Variants in USF3 observed in about 807,000 individuals in gnomAD.
USF3 encodes the protein upstream transcription factor family member 3, also known as basic helix-loop-helix domain-containing protein USF3.
A neutral mutation model predicts 157.5 loss-of-function variants in USF3; 29 were observed. That is an observed-to-expected ratio of 0.18 (90% CI 0.14 to 0.25). The LOEUF (loss-of-function observed/expected upper bound fraction) is 0.25, where lower values mean the gene tolerates loss of function less well. USF3 is among the 10% of genes least tolerant of loss of function. The probability of loss-of-function intolerance (pLI) is 1.00; values close to 1 mark genes in which losing one functional copy is unlikely to be tolerated. For synonymous variants in USF3, 893 were observed against 941.4 expected (o/e 0.95, Z 0.94); for missense variants, 2,381 against 2,667.6 (o/e 0.89, Z 2.37).
chr3:113,679,395 A>G (rs1463470712), intron 1 of USF3, among the ~76,000 whole-genome samples: 1 of 150,684 alleles, frequency 6.6e-6, no homozygotes, highest in East Asian at 1.9e-4. Context: ...ACAGAACATT[A>G]TCAACAGAGA....
At position 113,654,807 on chromosome 3, in the gene USF3, A is replaced by G; in HGVS notation, c.*137T>C. On this transcript the variant is annotated 3_prime_UTR_variant, in exon 7 of 7. Transcript: ENST00000316407. Reference sequence around the variant, plus strand: ...TATCTGCATCTGACATGGCTTCCCTACATTCAGAAGATAACTGAAAACTGA... The same window carrying G: ...TATCTGCATCTGACATGGCTTCCCTGCATTCAGAAGATAACTGAAAACTGA... 2.1e-6 allele frequency: 2 copies of G among 945,252 alleles called. No homozygotes were observed. Among genetic ancestry groups the G allele is most frequent in the Admixed American group, 6.6e-5 (2 of 30,382 alleles). 58.6% of individuals were successfully genotyped at this position (945,252 alleles called of 1,614,324 possible).
At chr3:113,663,557 A>G (rs1344274783) in intron 6 of USF3, among the ~76,000 whole-genome samples, 1 of 152,204 alleles carries the variant, frequency 6.6e-6, no homozygotes, top group African/African-American at 2.4e-5. Flanking sequence ...CCATTACAAT[A>G]AACACAGCCC....
chr3:113,696,114 C>A lies in USF3; in HGVS notation c.-135+256G>T, dbSNP rs72952656. ...CTAGGAGCTGGGGCGCAGTGCGAGCCCCCCACGGGCCTGGCAGCCGGGGAC... is the reference window on the plus strand; with the variant it reads ...CTAGGAGCTGGGGCGCAGTGCGAGCACCCCACGGGCCTGGCAGCCGGGGAC... On this transcript the variant is annotated intron_variant, in intron 1 of 6. Coordinates refer to ENST00000316407, the MANE Select transcript of USF3 (RefSeq NM_001009899.4). Among the ~76,000 whole-genome samples the A allele has an allele frequency of 4.6e-3, 707 of 152,356 alleles. 6 individuals carry two copies. The highest frequency in any genetic ancestry group is 0.016 in the African/African-American group (685 of 41,594).
At chr3:113,666,031 A>AAAATT (rs1947560025) in intron 5 of USF3, among the ~76,000 whole-genome samples, 2 of 151,712 alleles carry the variant, frequency 1.3e-5, no homozygotes, top group East Asian at 3.9e-4. Flanking sequence ...CTAAAAATAC[A>AAAATT]AAATTAGCAG....
Position 113,658,528 on chromosome 3 carries a change from A to G in USF3, c.3154T>C (p.Leu1052=), listed in dbSNP as rs370609448. 3.2e-5 allele frequency: 51 copies of G among 1,614,040 alleles called. No homozygotes were observed. The highest frequency in any genetic ancestry group is 4.3e-5 in the Non-Finnish European group (51 of 1,180,014). Residue 1052 remains leucine, a synonymous_variant, in exon 7 of 7, where the codon TTA becomes CTA. Coordinates refer to ENST00000316407, the MANE Select transcript of USF3 (RefSeq NM_001009899.4). The part of the protein sequence containing the change: ...SVNLHPKQEL[L]LMNNDDRDPP... ...TCTCTATCATCATTGTTCATCAGTAATAGTTCCTGTTTGGGATGTAAATTC... is the reference window on the plus strand; with the variant it reads ...TCTCTATCATCATTGTTCATCAGTAGTAGTTCCTGTTTGGGATGTAAATTC...
chr3:113,678,496 G>A (rs1049117272), intron 1 of USF3, among the ~76,000 whole-genome samples: 10 of 151,660 alleles, frequency 6.6e-5, no homozygotes, highest in Admixed American at 2.6e-4. Context: ...AAATCATCCC[G>A]TTTACCAAAT....
chr3:113,665,581 C>T (rs571098943), intron 5 of USF3, among the ~76,000 whole-genome samples: 3 of 152,300 alleles, frequency 2.0e-5, no homozygotes, highest in Non-Finnish European at 2.9e-5. Flanking sequence ...AATCCCAGCA[C>T]TTTGGGAGGC....
In USF3 at chr3:113,656,578, T is replaced by G. The variant is rs1357074812; in HGVS notation, c.5104A>C (p.Ser1702Arg). The G allele has an allele frequency of 6.2e-7, 1 of 1,614,216 alleles. No individual in the cohort carries two copies. The highest frequency in any genetic ancestry group is 1.1e-5 in the South Asian group (1 of 91,086). ...SRVSDQLEMR[S>R]YLDVPRNKSL... Reference sequence around the variant, plus strand: ...TTATTTCTGGGAACATCAAGATAGCTTCTCATTTCAAGCTGATCTGAAACT... The same window carrying G: ...TTATTTCTGGGAACATCAAGATAGCGTCTCATTTCAAGCTGATCTGAAACT... The change falls in exon 7 of 7, where the codon AGC (serine) becomes CGC (arginine). Residue 1702 changes from serine to arginine, a missense_variant. Physicochemically the swap from Ser to Arg is moderately radical, Grantham distance 110 (BLOSUM62 -1). Coordinates refer to ENST00000316407, the MANE Select transcript of USF3 (RefSeq NM_001009899.4).
chr3:113,657,282 TGC>T lies in USF3; in HGVS notation c.4398_4399del (p.Gln1467AlafsTer41). 1.9e-6 allele frequency: 3 copies of T among 1,610,298 alleles called. No homozygotes were observed. Among genetic ancestry groups the T allele is most frequent in the Non-Finnish European group, 2.5e-6 (3 of 1,178,622 alleles). Reference sequence around the variant, plus strand: ...TTGCTGTTGCTGCTGCTGCTGCTGCTGCTGCTGCTGCTGCTGCTTTATGTAGA... The same window carrying T: ...TTGCTGTTGCTGCTGCTGCTGCTGCTTGCTGCTGCTGCTGCTTTATGTAGA... On this transcript the variant is annotated frameshift_variant, in exon 7 of 7. Transcript: ENST00000316407. LOFTEE classifies it high-confidence loss of function.
At chr3:113,682,594 A>C (rs1027638735) in intron 1 of USF3, among the ~76,000 whole-genome samples, 6 of 152,154 alleles carry the variant, frequency 3.9e-5, no homozygotes, top group Non-Finnish European at 4.4e-5. Flanking sequence ...ATTGGGGTCT[A>C]TCTCTCTTTG....
chr3:113,654,859 T>G lies in USF3; in HGVS notation c.*85A>C. 1 of 1,404,856 alleles carries G rather than the reference T, an allele frequency of 7.1e-7. No homozygotes were observed. 87.0% of individuals were successfully genotyped at this position (1,404,856 alleles called of 1,614,324 possible). On this transcript the variant is annotated 3_prime_UTR_variant, in exon 7 of 7. Coordinates refer to ENST00000316407, the MANE Select transcript of USF3 (RefSeq NM_001009899.4). The stretch of plus-strand genomic sequence containing the variant: ...TATACAGACACACACACACAATCCT[T>G]CTCTTCATGTACATGTCTGTGCACA...
chr3:113,656,084 A>G lies in USF3; in HGVS notation c.5598T>C (p.His1866=). 1 of 1,614,164 alleles carries G rather than the reference A, an allele frequency of 6.2e-7. No homozygotes were observed. ...TCTGACTCTCACTCTCTCTTCTAAT[A>G]TGGACATTTTCATGAGTTGGGGGAC... ...YNCPPTHENV[H]IRRESESQNR... The change falls in exon 7 of 7, where the codon CAT becomes CAC. Residue 1866 remains histidine (H), a synonymous_variant. Transcript: ENST00000316407.
chr3:113,654,710 A>T lies in USF3; in HGVS notation c.*234T>A. 2.0e-6 allele frequency: 1 copy of T among 498,104 alleles called. No individual in the cohort carries two copies. 30.9% of individuals were successfully genotyped at this position (498,104 alleles called of 1,614,324 possible). A position where few individuals can be genotyped will look rare whatever the true frequency, so the allele number is the denominator to read the frequency against. ...TAGGAAATATCAACTTGGAAATGTA[A>T]ATCTACTTGGAAAATAAAAAAGTAC... On this transcript the variant is annotated 3_prime_UTR_variant, in exon 7 of 7. Transcript: ENST00000316407.
At chr3:113,695,223 T>C (rs1707773231) in intron 1 of USF3, among the ~76,000 whole-genome samples, 3 of 152,212 alleles carry the variant, frequency 2.0e-5, no homozygotes. Context: ...GCAATTACAA[T>C]GTATTTTACT....
In USF3 at chr3:113,656,109, C is replaced by A; in HGVS notation, c.5573G>T (p.Cys1858Phe). The A allele has an allele frequency of 6.2e-7, 1 of 1,614,100 alleles. No individual in the cohort carries two copies. The highest frequency in any genetic ancestry group is 8.5e-7 in the Non-Finnish European group (1 of 1,180,004). The change falls in exon 7 of 7, where the codon TGT becomes TTT. Residue 1858 changes from cysteine to phenylalanine, a missense_variant. Transcript: ENST00000316407. Reference sequence around the variant, plus strand: ...ATGGACATTTTCATGAGTTGGGGGACAATTATATTCAATTGCAGAGGATGG... The same window carrying A: ...ATGGACATTTTCATGAGTTGGGGGAAAATTATATTCAATTGCAGAGGATGG... ...CGPSSAIEYN[C>F]PPTHENVHIR... is the part of the protein sequence containing the mutation.
Position 113,653,138 on chromosome 3 carries a change from A to C in USF3, c.*1806T>G, listed in dbSNP as rs1577022923. 5.3e-6 allele frequency: 1 copy of C among 188,186 alleles called. No homozygotes were observed. Among genetic ancestry groups the C allele is most frequent in the East Asian group, 1.3e-4 (1 of 7,650 alleles). The allele number at this position is 188,186 out of a possible 1,614,324, so 11.7% of individuals were successfully genotyped here. A position where few individuals can be genotyped will look rare whatever the true frequency, so the allele number is the denominator to read the frequency against. ...AAGGCAGATAAAACAATTTCTATGC[A>C]TCTCTCCCACCCCATCCCATTTTTG... On this transcript the variant is annotated 3_prime_UTR_variant, in exon 7 of 7. Coordinates refer to ENST00000316407, the MANE Select transcript of USF3 (RefSeq NM_001009899.4).
chr3:113,693,819 T>G (rs1006236078), intron 1 of USF3, among the ~76,000 whole-genome samples: 1 of 152,168 alleles, frequency 6.6e-6, no homozygotes, highest in Non-Finnish European at 1.5e-5. Context: ...GAACTATTAT[T>G]GGCGGTAGGG....
Position 113,655,709 on chromosome 3 carries a change from A to T in USF3, c.5973T>A (p.Arg1991=). 6.2e-7 allele frequency: 1 copy of T among 1,613,876 alleles called. No homozygotes were observed. ...PLQDSSGSKI[R]QPERNRSGNQ... is the part of the protein sequence containing the mutation. The stretch of plus-strand genomic sequence containing the variant: ...TTCCAGAACGATTCCTTTCAGGCTG[A>T]CGAATTTTGGAACCACTGCTGTCTT... The change falls in exon 7 of 7, where the codon CGT becomes CGA. Residue 1991 remains arginine (R), a synonymous_variant. Coordinates refer to ENST00000316407, the MANE Select transcript of USF3 (RefSeq NM_001009899.4).
In USF3 at chr3:113,649,049, T is replaced by C. The variant is rs1350356458; in HGVS notation, c.*5895A>G. On this transcript the variant is annotated 3_prime_UTR_variant, in exon 7 of 7. Transcript: ENST00000316407. ...CTGTTACCACTATAGTCAAGCCCAG[T>C]ACCTCAGTGACTTCACAGATGAAAA... is the stretch of plus-strand genomic sequence containing the variant. 6.6e-6 allele frequency: 1 copy of C among 152,532 alleles called. No individual in the cohort carries two copies. Among genetic ancestry groups the C allele is most frequent in the Non-Finnish European group, 1.5e-5 (1 of 68,022 alleles). 9.4% of individuals were successfully genotyped at this position (152,532 alleles called of 1,614,324 possible).
Sources: gnomAD v4.1 joint callset for allele counts (sites outside exome capture counted in the v4.1 genomes callset) on GRCh38, gnomAD v4.1.1 for gene constraint, MANE v1.5 for transcripts, NCBI Gene and HGNC (gene_info 2026-07-23, HGNC 2026-07-21) for gene names.